The following PLA2G15 variants were observed in gnomAD, a reference collection of about 807,000 sequenced individuals.
PLA2G15 encodes phospholipase A2 group XV.
Under a neutral mutation model 40.9 loss-of-function variants are expected in PLA2G15, and 20 were observed. The observed-to-expected ratio is 0.49, with a 90% CI of 0.34 to 0.71. The LOEUF (loss-of-function observed/expected upper bound fraction) is 0.71, where lower values mean the gene tolerates loss of function less well. Among genes scored for constraint, PLA2G15 ranks in the 30% least tolerant of loss-of-function variants. PLA2G15 has a pLI of 0.01. For synonymous variants in PLA2G15, 223 were observed against 228.2 expected (o/e 0.98, Z 0.21); for missense variants, 471 against 541.9 (o/e 0.87, Z 1.30).
intron 5 of PLA2G15, 120 bp downstream of exon 5, chr16:68,256,110 A>G (rs918515255): frequency 4.8e-6 from 3 of 631,450 alleles, no homozygotes; most frequent in Admixed American, 3.1e-5. Flanking sequence ...TGTGGGGTCT[A>G]TGCAAATCTA....
intron 2 of PLA2G15, chr16:68,253,448 C>G (rs778806485): frequency 2.3e-6 from 1 of 436,684 alleles, no homozygotes; most frequent in Non-Finnish European, 4.6e-6. Flanking sequence ...GCAATCTCGG[C>G]TCACTACACC....
chr16:68,249,545 C>G, intron 2 of PLA2G15, 99 bp downstream of exon 2: 1 of 1,138,296 alleles, frequency 8.8e-7, no homozygotes, highest in Non-Finnish European at 1.3e-6. Context: ...GGTCACTGAC[C>G]TCTCTCCTTC....
chr16:68,253,261 C>G (rs1052119656), intron 2 of PLA2G15, among the ~76,000 whole-genome samples: 1 of 152,220 alleles, frequency 6.6e-6, no homozygotes, highest in Non-Finnish European at 1.5e-5. Flanking sequence ...AGGCCTTCCT[C>G]CTGTCTCTCC....
chr16:68,259,399 G>C lies in PLA2G15; in HGVS notation c.981G>C (p.Gln327His), dbSNP rs1596952497. Reference protein sequence around the residue: ...LVEATMPPGVQLHCLYGTGVP... With the variant: ...LVEATMPPGVHLHCLYGTGVP... Reference sequence around the variant, plus strand: ...AAGCCACGATGCCACCTGGCGTGCAGCTGCACTGCCTCTATGGTACTGGCG... The same window carrying C: ...AAGCCACGATGCCACCTGGCGTGCACCTGCACTGCCTCTATGGTACTGGCG... The change falls in exon 6 of 6, where the codon CAG becomes CAC. Residue 327 changes from glutamine to histidine, a missense_variant. Gln to His is a conservative substitution (Grantham distance 24). Coordinates refer to ENST00000219345, the MANE Select transcript of PLA2G15 (RefSeq NM_012320.4). This position sits in a 1 kb window ranked among gnomAD's most constrained non-coding sequence, Gnocchi z 6.5. 1 of 1,614,052 alleles carries C rather than the reference G, an allele frequency of 6.2e-7. No homozygotes were observed. Among genetic ancestry groups the C allele is most frequent in the South Asian group, 1.1e-5 (1 of 91,090 alleles).
chr16:68,250,807 G>T (rs1313742006), intron 2 of PLA2G15, among the ~76,000 whole-genome samples: 2 of 152,198 alleles, frequency 1.3e-5, no homozygotes, highest in Admixed American at 6.5e-5. Flanking sequence ...TTGAGCCAGG[G>T]AAGCAGAGGT....
intron 1 of PLA2G15, 75 bp from the exon 2 acceptor site, chr16:68,249,215 C>A: frequency 1.6e-6 from 2 of 1,251,000 alleles, no homozygotes; most frequent in Non-Finnish European, 2.3e-6. Flanking sequence ...AGGGGGTCTG[C>A]TGCAGACATC....
At chr16:68,254,887 C>T (rs779100880) in intron 2 of PLA2G15, 32 bp from the exon 3 acceptor site, 21 of 1,357,932 alleles carry the variant, frequency 1.5e-5, no homozygotes, top group East Asian at 6.9e-5. Context: ...GTGTCCCCTC[C>T]GGGTCACTGG....
In PLA2G15 at chr16:68,259,039, T is replaced by C. The variant is rs2151206883; in HGVS notation, c.728-107T>C. 1.2e-6 allele frequency: 1 copy of C among 826,646 alleles called. No homozygotes were observed. Among genetic ancestry groups the C allele is most frequent in the East Asian group, 2.4e-5 (1 of 41,130 alleles). 51.2% of individuals were successfully genotyped at this position (826,646 alleles called of 1,614,324 possible). A position where few individuals can be genotyped will look rare whatever the true frequency, so the allele number is the denominator to read the frequency against. On this transcript the variant is annotated intron_variant, in intron 5 of 5. Coordinates refer to ENST00000219345, the MANE Select transcript of PLA2G15 (RefSeq NM_012320.4). The surrounding 1 kb of genome is among the most constrained non-coding windows in gnomAD (Gnocchi z 6.5). Reference sequence around the variant, plus strand: ...TGATAACCGGGTAGAGATGCGGGACTGTGGACTGGGCCCCTGGCTGGGGTC... The same window carrying C: ...TGATAACCGGGTAGAGATGCGGGACCGTGGACTGGGCCCCTGGCTGGGGTC...
At chr16:68,253,767 G>T (rs536142931) in intron 2 of PLA2G15, among the ~76,000 whole-genome samples, 4 of 147,988 alleles carry the variant, frequency 2.7e-5, no homozygotes, top group Middle Eastern at 3.5e-3. Flanking sequence ...ACGGCTCACT[G>T]CAGCCTCAAT....
rs2042393369 is a variant in PLA2G15, at chr16:68,255,522, G to C, written c.502+142G>C. 1 of 659,288 alleles carries C rather than the reference G, an allele frequency of 1.5e-6. No homozygotes were observed. The highest frequency in any genetic ancestry group is 2.6e-6 in the Non-Finnish European group (1 of 381,632). 40.8% of individuals were successfully genotyped at this position (659,288 alleles called of 1,614,324 possible). On this transcript the variant is annotated intron_variant, in intron 4 of 5. Coordinates refer to ENST00000219345, the MANE Select transcript of PLA2G15 (RefSeq NM_012320.4). This position sits in a 1 kb window ranked among gnomAD's most constrained non-coding sequence, Gnocchi z 5.9. ...TCTGGCATCCAGTCTAGTGGTCACA[G>C]CCACCACCTTTGGTCAGTCTTATCC...
At chr16:68,254,817 T>C (rs1177727893) in intron 2 of PLA2G15, 102 bp from the exon 3 acceptor site, 12 of 746,456 alleles carry the variant, frequency 1.6e-5, no homozygotes, top group Non-Finnish European at 2.8e-5. Flanking sequence ...TGACCAAACC[T>C]GGGCATGAGA....
chr16:68,259,509 A>C lies in PLA2G15; in HGVS notation c.1091A>C (p.Asn364Thr), dbSNP rs1395983272. ...TTTGGTGACGGCGATGGTACTGTGA[A>C]CTTGAAGAGTGCCCTGCAGTGCCAG... ...ICFGDGDGTV[N>T]LKSALQCQAW... The change falls in exon 6 of 6, where the codon AAC becomes ACC. Residue 364 changes from asparagine to threonine, a missense_variant. Physicochemically the swap from Asn to Thr is moderately conservative, Grantham distance 65. Transcript: ENST00000219345. The surrounding 1 kb of genome is among the most constrained non-coding windows in gnomAD (Gnocchi z 6.5). The C allele has an allele frequency of 6.2e-7, 1 of 1,613,242 alleles. No homozygotes were observed. Among genetic ancestry groups the C allele is most frequent in the Admixed American group, 1.7e-5 (1 of 60,030 alleles).
At chr16:68,258,376 C>T (rs1302618231) in intron 5 of PLA2G15, among the ~76,000 whole-genome samples, 1 of 152,212 alleles carries the variant, frequency 6.6e-6, no homozygotes, top group African/African-American at 2.4e-5. Flanking sequence ...AACCTGCTGA[C>T]TCACTTTAGA....
At chr16:68,258,674 G>A (rs1053413095) in intron 5 of PLA2G15, among the ~76,000 whole-genome samples, 4 of 152,058 alleles carry the variant, frequency 2.6e-5, no homozygotes, top group African/African-American at 9.7e-5. Context: ...TTCCAGCTAT[G>A]CAGGAGGCTG....
At chr16:68,252,485 C>G (rs1017032472) in intron 2 of PLA2G15, 2 of 455,192 alleles carry the variant, frequency 4.4e-6, no homozygotes, top group Non-Finnish European at 8.8e-6. Flanking sequence ...GCCCATCACC[C>G]TGTTCCCATC....
rs200107219 is a variant in PLA2G15, at chr16:68,255,033, C to T, written c.399C>T (p.Ser133=). The T allele has an allele frequency of 4.4e-4, 703 of 1,603,804 alleles. 9 individuals are homozygous for T. The East Asian group carries it at 0.014, about 32-fold the overall frequency. The change falls in exon 3 of 6, where the codon AGC becomes AGT. Residue 133 remains serine, a synonymous_variant. Coordinates refer to ENST00000219345, the MANE Select transcript of PLA2G15 (RefSeq NM_012320.4). The surrounding 1 kb of genome is among the most constrained non-coding windows in gnomAD (Gnocchi z 5.9). ...AGTTCCTGGACCCCAGCAAAAGCAG[C>T]GTGGGTATGTAGCCCTTACTCAAGG... is the stretch of plus-strand genomic sequence containing the variant. The part of the protein sequence containing the change: ...SLEFLDPSKS[S]VGSYFHTMVE...
In PLA2G15 at chr16:68,255,289, T is replaced by A; in HGVS notation, c.411T>A (p.Tyr137Ter). ...LDPSKSSVGS[Y>*]FHTMVESLVG... ...CTGTATTTCTGTCTACAGGTTCCTA[T>A]TTCCACACCATGGTGGAGAGCCTTG... Residue 137 changes from tyrosine to a stop codon, truncating the protein, a stop_gained, in exon 4 of 6, where the codon TAT becomes TAA. Coordinates refer to ENST00000219345, the MANE Select transcript of PLA2G15 (RefSeq NM_012320.4). LOFTEE classifies it high-confidence loss of function. The surrounding 1 kb of genome is among the most constrained non-coding windows in gnomAD (Gnocchi z 5.9). 6.2e-7 allele frequency: 1 copy of A among 1,612,836 alleles called. No individual in the cohort carries two copies. Among genetic ancestry groups the A allele is most frequent in the Non-Finnish European group, 8.5e-7 (1 of 1,178,910 alleles).
In PLA2G15 at chr16:68,256,946, A is replaced by T. The variant is rs188760371; in HGVS notation, c.727+956A>T. Among the ~76,000 whole-genome samples, 282 of 145,826 alleles carry T rather than the reference A, an allele frequency of 1.9e-3. 4 individuals carry two copies. The highest frequency in any genetic ancestry group is 6.9e-3 in the African/African-American group (268 of 38,950). On this transcript the variant is annotated intron_variant, in intron 5 of 5. Transcript: ENST00000219345. ...ATCCAGGTTGGAGTGCAGTAGCGTGATTTTGGTTCATGCAACCTCCACCTT... is the reference window on the plus strand; with the variant it reads ...ATCCAGGTTGGAGTGCAGTAGCGTGTTTTTGGTTCATGCAACCTCCACCTT...
chr16:68,252,866 A>G (rs2042366853), intron 2 of PLA2G15, among the ~76,000 whole-genome samples: 1 of 152,062 alleles, frequency 6.6e-6, no homozygotes, highest in South Asian at 2.1e-4. Flanking sequence ...CTAGCTGTTC[A>G]GGAGGGTGAG....
Sources: gnomAD v4.1 joint callset for allele counts (sites outside exome capture counted in the v4.1 genomes callset) on GRCh38, gnomAD v4.1.1 for gene constraint, Gnocchi (gnomAD v3.1) non-coding constraint, MANE v1.5 for transcripts, NCBI Gene and HGNC (gene_info 2026-07-23, HGNC 2026-07-21) for gene names.